ATP8B3: variants seen among roughly 807,000 people sequenced by gnomAD.
ATP8B3 encodes the protein phospholipid-transporting ATPase IK.
ATP8B3 carries 141 observed loss-of-function variants against 140.9 expected under a neutral mutation model. That is an observed-to-expected ratio of 1.00 (90% CI 0.87 to 1.15). The LOEUF (loss-of-function observed/expected upper bound fraction) is 1.15. ATP8B3 is among the 50% of genes most tolerant of loss of function. The probability of loss-of-function intolerance (pLI) is 0.00; values close to 1 mark genes in which losing one functional copy is unlikely to be tolerated. For missense variants in ATP8B3, 1,874 were observed against 1,740.6 expected (o/e 1.08, Z -1.36); for synonymous variants, 765 against 714.6 (o/e 1.07, Z -1.13).
chr19:1,786,637 C>T (rs1470738610), intron 25 of ATP8B3, among the ~76,000 whole-genome samples: 1 of 152,126 alleles, frequency 6.6e-6, no homozygotes, highest in South Asian at 2.1e-4. Flanking sequence ...TCACACCAGC[C>T]GCAACACAAG....
chr19:1,788,998 A>G lies in ATP8B3; in HGVS notation c.2968T>C (p.Tyr990His). 6.2e-7 allele frequency: 1 copy of G among 1,610,618 alleles called. No individual in the cohort carries two copies. The highest frequency in any genetic ancestry group is 8.5e-7 in the Non-Finnish European group (1 of 1,178,864). ...CGCAGGAACTTGCAGATCCGCACGT[A>G]GGACCAGCGGCCGTGCACCAGCAGG... ...RLLLVHGRWS[Y>H]VRICKFLRYF... The change falls in exon 24 of 29, where the codon TAC becomes CAC. Residue 990 changes from tyrosine (Y) to histidine (H), a missense_variant. By Grantham distance (83) the Tyr-to-His change is moderately conservative. Coordinates refer to ENST00000310127, the MANE Select transcript of ATP8B3 (RefSeq NM_138813.4).
Position 1,782,189 on chromosome 19 carries a change from AGCT to A in ATP8B3, c.*836_*838del, listed in dbSNP as rs1175935834. On this transcript the variant is annotated 3_prime_UTR_variant, in exon 29 of 29. Coordinates refer to ENST00000310127, the MANE Select transcript of ATP8B3 (RefSeq NM_138813.4). ...GTTGACTTGCAGCAGAACTGGCTGG[AGCT>A]TCTTCTTCCCAGGAAGGACATCTTC... 4 of 251,844 alleles carry A rather than the reference AGCT, an allele frequency of 1.6e-5. No individual in the cohort carries two copies. Among genetic ancestry groups the A allele is most frequent in the Non-Finnish European group, 3.1e-5 (4 of 129,412 alleles). 15.6% of individuals were successfully genotyped at this position (251,844 alleles called of 1,614,324 possible).
Position 1,805,725 on chromosome 19 carries a change from C to A in ATP8B3, c.821+163G>T, listed in dbSNP as rs547939182. The stretch of plus-strand genomic sequence containing the variant: ...AATGGGGAGGGTGGGCGTCTTCCTC[C>A]CCTCAGTGCCTGGCAGCACCCACGC... On this transcript the variant is annotated intron_variant, in intron 9 of 28. Transcript: ENST00000310127. This position sits in a 1 kb window ranked among gnomAD's most constrained non-coding sequence, Gnocchi z 5.2. 1.3e-5 allele frequency among the ~76,000 whole-genome samples: 2 copies of A among 152,106 alleles called. No homozygotes were observed. Among genetic ancestry groups the A allele is most frequent in the Non-Finnish European group, 2.9e-5 (2 of 67,968 alleles).
rs1330958665 is a variant in ATP8B3, at chr19:1,806,344, C to T, written c.678-175G>A. The T allele has an allele frequency of 6.8e-7, 1 of 1,460,676 alleles. No homozygotes were observed. Among genetic ancestry groups the T allele is most frequent in the Admixed American group, 2.5e-5 (1 of 40,480 alleles). 90.5% of individuals were successfully genotyped at this position (1,460,676 alleles called of 1,614,324 possible). A position where few individuals can be genotyped will look rare whatever the true frequency, so the allele number is the denominator to read the frequency against. ...ACCCCACTCCCCGCGGGTCCACGCT[C>T]CCACCCAGTGACCTCCAGGGTCCTG... On this transcript the variant is annotated intron_variant, in intron 7 of 28. Transcript: ENST00000310127. This position sits in a 1 kb window ranked among gnomAD's most constrained non-coding sequence, Gnocchi z 5.6.
At chr19:1,789,761 G>C in intron 22 of ATP8B3, 34 bp from the exon 23 acceptor site, 1 of 1,539,436 alleles carries the variant, frequency 6.5e-7, no homozygotes, top group Non-Finnish European at 8.7e-7. Context: ...GCCAGGCGCC[G>C]TGGCCTCCAG....
At chr19:1,797,101 C>T in intron 14 of ATP8B3, 96 bp from the exon 15 acceptor site, 1 of 1,560,786 alleles carries the variant, frequency 6.4e-7, no homozygotes, top group Non-Finnish European at 8.7e-7. Context: ...CCGGGGGCCA[C>T]TGGTGCAGCC....
intron 25 of ATP8B3, among the ~76,000 whole-genome samples, chr19:1,786,841 G>C (rs1322319221): frequency 1.3e-5 from 2 of 151,966 alleles, no homozygotes; most frequent in African/African-American, 4.8e-5. Flanking sequence ...TTGCATGGAT[G>C]GGTAGACAGA....
rs1228748815 is a variant in ATP8B3, at chr19:1,800,915, G to A, written c.1153-466C>T. On this transcript the variant is annotated intron_variant, in intron 12 of 28. Coordinates refer to ENST00000310127, the MANE Select transcript of ATP8B3 (RefSeq NM_138813.4). This position sits in a 1 kb window ranked among gnomAD's most constrained non-coding sequence, Gnocchi z 4.4. ...GCGATCTTGGCTCACAGCAAGCTCC[G>A]CCTCCCGGGTTCACACCATTCTCCT... is the stretch of plus-strand genomic sequence containing the variant. 2.1e-4 allele frequency among the ~76,000 whole-genome samples: 31 copies of A among 146,162 alleles called. No individual in the cohort carries two copies. The highest frequency in any genetic ancestry group is 8.8e-4 in the South Asian group (4 of 4,568).
Position 1,796,982 on chromosome 19 carries a change from G to A in ATP8B3, c.1576C>T (p.Arg526Ter), listed in dbSNP as rs371441090. Residue 526 changes from arginine to a stop codon, truncating the protein, a stop_gained, in exon 15 of 29, where the codon CGA (arginine) becomes TGA (stop). Coordinates refer to ENST00000310127, the MANE Select transcript of ATP8B3 (RefSeq NM_138813.4). LOFTEE classifies it high-confidence loss of function. The stretch of plus-strand genomic sequence containing the variant: ...AAGCCAGGCAGGCTCACCTTAGGTC[G>A]GGTCGTGGCCTCTGAATCCGGCCCT... ...VYGPDSEATT[R>*]PKENPYLWNK... The A allele has an allele frequency of 1.1e-5, 18 of 1,612,876 alleles. No homozygotes were observed. Among genetic ancestry groups the A allele is most frequent in the Admixed American group, 8.3e-5 (5 of 59,988 alleles).
rs962619179 is a variant in ATP8B3 at position 1,789,402 on chromosome 19, A to G, written c.2804T>C (p.Leu935Pro). The G allele has an allele frequency of 6.3e-7, 1 of 1,589,758 alleles. No individual in the cohort carries two copies. Among genetic ancestry groups the G allele is most frequent in the Non-Finnish European group, 8.5e-7 (1 of 1,172,424 alleles). Residue 935 changes from leucine (L) to proline (P), a missense_variant, in exon 23 of 29, where the codon CTG (leucine) becomes CCG (proline). Physicochemically the swap from Leu to Pro is moderately conservative, Grantham distance 98. Transcript: ENST00000310127. ...LVKKYHQVVTLAIGDGANDIN... is the reference protein window; with the variant it reads ...LVKKYHQVVTPAIGDGANDIN... ...GTCGTTGGCACCGTCCCCGATGGCC[A>G]GGGTCACCACCTGGTGGTACTTCTT... is the stretch of plus-strand genomic sequence containing the variant.
intron 24 of ATP8B3, 117 bp from the exon 25 acceptor site, chr19:1,787,303 A>T: frequency 8.4e-4 from 479 of 570,252 alleles, no homozygotes; most frequent in East Asian, 1.4e-3. Context: ...GTTACACTCA[A>T]GGTTGGGGCT....
At chr19:1,799,000 G>A (rs1280495074) in intron 14 of ATP8B3, 1 of 151,548 alleles carries the variant, frequency 6.6e-6, no homozygotes, top group African/African-American at 2.4e-5. Flanking sequence ...AAAATAAGCT[G>A]GGTAAGGTGG....
rs781070519 is a variant in ATP8B3 at position 1,794,177 on chromosome 19, G to A, written c.2055+1698C>T. Among the ~76,000 whole-genome samples, 24 of 152,188 alleles carry A rather than the reference G, an allele frequency of 1.6e-4. No homozygotes were observed. The highest frequency in any genetic ancestry group is 5.1e-4 in the African/African-American group (21 of 41,426). ...CAAAGTGCTGGGACCACAGGCACGCGCCACCATGTCTGATTTCCCTTTTGT... is the reference window on the plus strand; with the variant it reads ...CAAAGTGCTGGGACCACAGGCACGCACCACCATGTCTGATTTCCCTTTTGT... On this transcript the variant is annotated intron_variant, in intron 18 of 28. Transcript: ENST00000310127. This position sits in a 1 kb window ranked among gnomAD's most constrained non-coding sequence, Gnocchi z 4.8.
rs549532763 is a variant in ATP8B3 at position 1,789,831 on chromosome 19, G to A, written c.2478+59C>T. The A allele has an allele frequency of 5.7e-6, 9 of 1,585,682 alleles. No individual in the cohort carries two copies. In the Admixed American group the frequency reaches 1.6e-4, roughly 27 times the overall value. ...CAGCAGTCCCCACCCCGAGCCCGCC[G>A]CCCCTCCAGGCCCCTCCCTGGCGCC... is the stretch of plus-strand genomic sequence containing the variant. On this transcript the variant is annotated intron_variant, in intron 22 of 28. Coordinates refer to ENST00000310127, the MANE Select transcript of ATP8B3 (RefSeq NM_138813.4).
rs113588574 is a variant in ATP8B3, at chr19:1,790,856, C to T, written c.2303-24G>A. The T allele has an allele frequency of 1.3e-4, 201 of 1,570,952 alleles. 2 individuals carry two copies. The African/African-American group carries it at 2.2e-3, about 17-fold the overall frequency. Reference sequence around the variant, plus strand: ...TTCTGCGAAGCAGACCAGCTCAGCGCCTCTGCGACCCGCCCCGCACTGGCT... The same window carrying T: ...TTCTGCGAAGCAGACCAGCTCAGCGTCTCTGCGACCCGCCCCGCACTGGCT... On this transcript the variant is annotated intron_variant, in intron 20 of 28. Transcript: ENST00000310127.
chr19:1,785,595 G>A lies in ATP8B3; in HGVS notation c.3267C>T (p.Thr1089=), dbSNP rs772746629. 23 of 1,613,166 alleles carry A rather than the reference G, an allele frequency of 1.4e-5. No homozygotes were observed. The highest frequency in any genetic ancestry group is 5.9e-6 in the Non-Finnish European group (7 of 1,179,916). The change falls in exon 26 of 29, where the codon ACC becomes ACT. Residue 1089 remains threonine (T), a synonymous_variant. Transcript: ENST00000310127. The part of the protein sequence containing the change: ...FVQAIAHGVT[T]SLVNFFMTLW... The stretch of plus-strand genomic sequence containing the variant: ...GTGTCATGAAGAAGTTGACCAGAGA[G>A]GTGGTCACACCATGGGCGATGGCTT...
In ATP8B3 at chr19:1,808,114, G is replaced by A. The variant is rs944342063; in HGVS notation, c.516+108C>T. ...GGGTAGTAGGGACTCAGCGCTGAGG[G>A]TCCCAGTCTGTGGGGAGTGGGACGT... On this transcript the variant is annotated intron_variant, in intron 5 of 28. Transcript: ENST00000310127. The A allele has an allele frequency of 2.8e-5, 24 of 865,208 alleles. No individual in the cohort carries two copies. In the African/African-American group the frequency reaches 3.7e-4, roughly 13 times the overall value. 53.6% of individuals were successfully genotyped at this position (865,208 alleles called of 1,614,324 possible).
At position 1,785,627 on chromosome 19, in the gene ATP8B3, A is replaced by C. The variant is rs1459423428; in HGVS notation, c.3235T>G (p.Phe1079Val). Reference sequence around the variant, plus strand: ...ACACCATGGGCGATGGCTTGGACGAAGACCCAGTAGTTGAAGAGCTCGTCC... The same window carrying C: ...ACACCATGGGCGATGGCTTGGACGACGACCCAGTAGTTGAAGAGCTCGTCC... ...QKDELFNYWV[F>V]VQAIAHGVTT... Residue 1079 changes from phenylalanine (F) to valine (V), a missense_variant, in exon 26 of 29, where the codon TTC becomes GTC. By Grantham distance (50) the Phe-to-Val change is conservative. Transcript: ENST00000310127. The C allele has an allele frequency of 6.8e-6, 11 of 1,613,192 alleles. No homozygotes were observed. Among genetic ancestry groups the C allele is most frequent in the Non-Finnish European group, 9.3e-6 (11 of 1,179,890 alleles).
At position 1,785,442 on chromosome 19, in the gene ATP8B3, C is replaced by T. The variant is rs546047499; in HGVS notation, c.3393+27G>A. Reference sequence around the variant, plus strand: ...AGGCCTCCATAGGCCATGTCCAAGGCCCCGGGGAGGTGAGGACCTTGCCCA... The same window carrying T: ...AGGCCTCCATAGGCCATGTCCAAGGTCCCGGGGAGGTGAGGACCTTGCCCA... On this transcript the variant is annotated intron_variant, in intron 26 of 28. Transcript: ENST00000310127. The T allele has an allele frequency of 1.9e-5, 30 of 1,608,402 alleles. No homozygotes were observed. The African/African-American group carries it at 3.5e-4, about 19-fold the overall frequency.
Sources: allele counts gnomAD v4.1 joint callset (sites outside exome capture counted in the v4.1 genomes callset), GRCh38; gene constraint gnomAD v4.1.1; non-coding constraint Gnocchi (gnomAD v3.1); transcripts MANE v1.5; gene names NCBI Gene and HGNC (gene_info 2026-07-23, HGNC 2026-07-21).